PEMT: variants seen among roughly 807,000 people sequenced by gnomAD.
PEMT encodes phospholipid methyltransferase.
Under a neutral mutation model 27.4 loss-of-function variants are expected in PEMT, and 23 were observed. The ratio of observed to expected loss-of-function variants is 0.84; its 90% confidence interval spans 0.60 to 1.19. The LOEUF is 1.19. Among genes scored for constraint, PEMT ranks in the 50% most tolerant of loss-of-function variants. The probability of loss-of-function intolerance (pLI) is 0.00; values close to 1 mark genes in which losing one functional copy is unlikely to be tolerated. For synonymous variants in PEMT, 137 were observed against 139.1 expected, an observed-to-expected ratio of 0.98 and a Z score of 0.11; for missense variants, 307 against 310.1, an observed-to-expected ratio of 0.99 and a Z score of 0.07.
chr17:17,533,737 T>C (rs1221390222), intron 2 of PEMT, among the ~76,000 whole-genome samples: 2 of 148,916 alleles, frequency 1.3e-5, no homozygotes, highest in African/African-American at 2.5e-5. Context: ...TGTCTCTCTT[T>C]TTTTTTTTTT....
intron 1 of PEMT, among the ~76,000 whole-genome samples, chr17:17,580,666 G>A (rs1465652951): frequency 4.6e-5 from 7 of 152,040 alleles, no homozygotes; most frequent in Middle Eastern, 3.2e-3. Context: ...GTGGGCCAGC[G>A]GCCAGTTTTC....
intron 1 of PEMT, among the ~76,000 whole-genome samples, chr17:17,586,202 GAAA>G (rs1912243997): frequency 1.8e-5 from 2 of 113,708 alleles, no homozygotes; most frequent in African/African-American, 7.1e-5. Flanking sequence ...AGGAAGGAAA[GAAA>G]GAAAGAAAGA....
rs370226053 is a variant in PEMT, at chr17:17,515,907, G to A, written c.321-3253C>T. Among the ~76,000 whole-genome samples the A allele has an allele frequency of 1.1e-4, 17 of 152,294 alleles. No homozygotes were observed. The East Asian group carries it at 2.5e-3, about 22-fold the overall frequency. ...TCATTAATGTGATTTGAGGCTGTCTGCACTCTGCTCCCATAAAATCCCGGA... is the reference window on the plus strand; with the variant it reads ...TCATTAATGTGATTTGAGGCTGTCTACACTCTGCTCCCATAAAATCCCGGA... On this transcript the variant is annotated intron_variant, in intron 3 of 6. Coordinates refer to ENST00000255389, the MANE Select transcript of PEMT (RefSeq NM_148172.3).
intron 2 of PEMT, among the ~76,000 whole-genome samples, chr17:17,574,426 T>A (rs990668297): frequency 4.0e-5 from 6 of 150,886 alleles, no homozygotes; most frequent in Non-Finnish European, 8.9e-5. Context: ...TTCAAGAGAT[T>A]CTCCTGCCCC....
intron 2 of PEMT, among the ~76,000 whole-genome samples, chr17:17,525,607 G>A (rs1322006372): frequency 1.3e-5 from 2 of 152,210 alleles, no homozygotes; most frequent in Non-Finnish European, 2.9e-5. Context: ...GAATCCTAGA[G>A]TGGGGATTCA....
intron 1 of PEMT, chr17:17,578,725 G>A (rs776830779): frequency 1.6e-4 from 25 of 151,948 alleles, no homozygotes; most frequent in Admixed American, 9.2e-4. Context: ...AATTCATGAA[G>A]CGTTCCACAT....
intron 5 of PEMT, chr17:17,507,063 C>T: frequency 9.3e-7 from 1 of 1,070,298 alleles, no homozygotes; most frequent in Non-Finnish European, 1.4e-6. Flanking sequence ...CACCAGTAAG[C>T]AGCGGCAGCT....
At chr17:17,526,527 T>C (rs1328572527) in intron 2 of PEMT, among the ~76,000 whole-genome samples, 1 of 152,206 alleles carries the variant, frequency 6.6e-6, no homozygotes, top group East Asian at 1.9e-4. Flanking sequence ...GCCCAGGACA[T>C]GTGAGAGCGC....
At position 17,509,447 on chromosome 17, in the gene PEMT, C is replaced by T. The variant is rs757977448; in HGVS notation, c.565G>A (p.Gly189Ser). The T allele has an allele frequency of 1.2e-6, 2 of 1,611,576 alleles. No homozygotes were observed. The highest frequency in any genetic ancestry group is 1.7e-6 in the Non-Finnish European group (2 of 1,177,838). Residue 189 changes from glycine (G) to serine (S), a missense_variant, in exon 5 of 7, where the codon GGC becomes AGC. Gly to Ser is a moderately conservative substitution (Grantham distance 56, BLOSUM62 0). Coordinates refer to ENST00000255389, the MANE Select transcript of PEMT (RefSeq NM_148172.3). ...MYWGSTANYLGWAIMHASPTG... is the reference protein window; with the variant it reads ...MYWGSTANYLSWAIMHASPTG... Reference sequence around the variant, plus strand: ...CCTGGTACTCACATGATGGCCCAGCCCAGGTAGTTGGCTGTGCTTCCCCAG... The same window carrying T: ...CCTGGTACTCACATGATGGCCCAGCTCAGGTAGTTGGCTGTGCTTCCCCAG...
intron 3 of PEMT, among the ~76,000 whole-genome samples, chr17:17,516,881 A>G (rs1163147035): frequency 6.7e-6 from 1 of 150,296 alleles, no homozygotes; most frequent in Non-Finnish European, 1.5e-5. Context: ...GACCCCGCCC[A>G]GTGGCTACCC....
At chr17:17,576,078 C>G (rs569063553) in intron 2 of PEMT, among the ~76,000 whole-genome samples, 1 of 152,220 alleles carries the variant, frequency 6.6e-6, no homozygotes, top group South Asian at 2.1e-4. Context: ...GCCCAACCCC[C>G]GCTGAGCCCC....
intron 2 of PEMT, among the ~76,000 whole-genome samples, chr17:17,556,289 C>A (rs1406720173): frequency 6.6e-6 from 1 of 152,198 alleles, no homozygotes; most frequent in Non-Finnish European, 1.5e-5. Flanking sequence ...AGGGCCTGGC[C>A]CAGGTACCCA....
At chr17:17,568,449 G>A (rs2142718046) in intron 2 of PEMT, among the ~76,000 whole-genome samples, 1 of 152,378 alleles carries the variant, frequency 6.6e-6, no homozygotes, top group East Asian at 1.9e-4. Flanking sequence ...CAGGAGGGCA[G>A]GGTCCCGTCC....
intron 2 of PEMT, among the ~76,000 whole-genome samples, chr17:17,536,171 G>T (rs533988779): frequency 1.3e-5 from 2 of 152,204 alleles, no homozygotes; most frequent in Non-Finnish European, 2.9e-5. Context: ...CAGGCGCTGG[G>T]GTGAGTGCAG....
chr17:17,507,226 G>GAGGA (rs1353719210), intron 5 of PEMT: 1 of 1,508,850 alleles, frequency 6.6e-7, no homozygotes, highest in Admixed American at 2.0e-5. Flanking sequence ...GGGAGGGAGG[G>GAGGA]AGGAAGAGAG....
At chr17:17,537,618 T>C (rs966670014) in intron 2 of PEMT, among the ~76,000 whole-genome samples, 1 of 152,198 alleles carries the variant, frequency 6.6e-6, no homozygotes, top group African/African-American at 2.4e-5. Context: ...CTTCCATCCC[T>C]GATACTTGTC....
At chr17:17,517,925 A>G in intron 3 of PEMT, 5 of 969,018 alleles carry the variant, frequency 5.2e-6, no homozygotes, top group Non-Finnish European at 6.1e-6. Context: ...ACCACCTTCC[A>G]GAGACCACCC....
chr17:17,580,846 T>A (rs1294665367), intron 1 of PEMT, among the ~76,000 whole-genome samples: 1 of 152,152 alleles, frequency 6.6e-6, no homozygotes, highest in Admixed American at 6.5e-5. Context: ...GCTTTGCCGG[T>A]TGCTCCCCAG....
At chr17:17,519,387 C>T (rs1436922282) in intron 3 of PEMT, among the ~76,000 whole-genome samples, 3 of 152,212 alleles carry the variant, frequency 2.0e-5, no homozygotes, top group Admixed American at 6.5e-5. Flanking sequence ...CATGGCCCTG[C>T]TGGCTGGGCA....
Sources: allele counts gnomAD v4.1 joint callset (sites outside exome capture counted in the v4.1 genomes callset), GRCh38; gene constraint gnomAD v4.1.1; transcripts MANE v1.5; gene names NCBI Gene and HGNC (gene_info 2026-07-23, HGNC 2026-07-21).